CRTAM: variants seen among roughly 807,000 people sequenced by gnomAD.
CRTAM encodes the protein cytotoxic and regulatory T cell molecule.
In CRTAM, 44 loss-of-function variants were observed where a neutral mutation model predicts 50.0. The ratio of observed to expected loss-of-function variants is 0.88; its 90% CI spans 0.69 to 1.13. The LOEUF is 1.13. Among genes scored for constraint, CRTAM ranks in the 50% most tolerant of loss-of-function variants. CRTAM has a pLI of 0.00. For missense variants in CRTAM, 448 were observed against 457.5 expected (o/e 0.98, Z 0.19); for synonymous variants, 159 against 169.3 (o/e 0.94, Z 0.47).
chr11:122,852,746 A>G (rs1287731567), intron 3 of CRTAM, among the ~76,000 whole-genome samples: 1 of 152,056 alleles, frequency 6.6e-6, no homozygotes, highest in Non-Finnish European at 1.5e-5. Flanking sequence ...CCCCATGTAT[A>G]CTCTGTCATT....
chr11:122,860,952 C>T (rs997911766), intron 5 of CRTAM, among the ~76,000 whole-genome samples: 1 of 152,100 alleles, frequency 6.6e-6, no homozygotes, highest in African/African-American at 2.4e-5. Context: ...CTGCCTCGGC[C>T]CCCCACAGAA....
Position 122,850,135 on chromosome 11 carries a change from T to C in CRTAM, c.114T>C (p.Cys38=), listed in dbSNP as rs766847514. ...AAGGCCAGACGCTCACTCTAAAGTG[T>C]GTCACTTCTCTGAGGAAGAACTCCT... ...VEEGQTLTLK[C]VTSLRKNSSL... Residue 38 remains cysteine (C), a synonymous_variant, in exon 2 of 10, where the codon TGT becomes TGC. Coordinates refer to ENST00000227348, the MANE Select transcript of CRTAM (RefSeq NM_019604.4). 2 of 1,613,634 alleles carry C rather than the reference T, an allele frequency of 1.2e-6. No homozygotes were observed. Among genetic ancestry groups the C allele is most frequent in the South Asian group, 2.2e-5 (2 of 91,040 alleles).
At chr11:122,851,896 G>A (rs1234689389) in intron 3 of CRTAM, 51 bp downstream of exon 3, 5 of 1,554,118 alleles carry the variant, frequency 3.2e-6, no homozygotes, top group East Asian at 4.5e-5. Flanking sequence ...ATAGGAACAC[G>A]ATATGTCGTT....
chr11:122,851,689 A>G lies in CRTAM; in HGVS notation c.194-4A>G. The G allele has an allele frequency of 6.2e-7, 1 of 1,613,972 alleles. No individual in the cohort carries two copies. The highest frequency in any genetic ancestry group is 1.1e-5 in the South Asian group (1 of 91,074). On this transcript the variant is annotated splice_polypyrimidine_tract_variant and splice_region_variant and intron_variant, in intron 2 of 9. Coordinates refer to ENST00000227348, the MANE Select transcript of CRTAM (RefSeq NM_019604.4). ...CATAACAGCTCTATTTCCCTCTTGT[A>G]CAGCTTTAAAAAATTCCAAATACCA... is the stretch of plus-strand genomic sequence containing the variant.
chr11:122,848,749 C>A (rs934689259), intron 1 of CRTAM, among the ~76,000 whole-genome samples: 1 of 152,088 alleles, frequency 6.6e-6, no homozygotes, highest in African/African-American at 2.4e-5. Context: ...TAAGATGATG[C>A]CGTAAAACTT....
In CRTAM at chr11:122,861,420, A is replaced by AT. The variant is rs66619023; in HGVS notation, c.653-1014dup. 5.4e-3 allele frequency among the ~76,000 whole-genome samples: 138 copies of AT among 25,600 alleles called. 10 individuals carry two copies. Among genetic ancestry groups the AT allele is most frequent in the Non-Finnish European group, 7.4e-3 (108 of 14,690 alleles). The allele number at this position is 25,600 out of a possible 152,430, so 16.8% of individuals were successfully genotyped here. A position where few individuals can be genotyped will look rare whatever the true frequency, so the allele number is the denominator to read the frequency against. ...TATATATATATATATATATATATAT[A>AT]TTTTTTTTTTTTTTTTTTTTTTTTT... On this transcript the variant is annotated intron_variant, in intron 5 of 9. Transcript: ENST00000227348.
intron 3 of CRTAM, 137 bp from the exon 4 acceptor site, chr11:122,853,806 T>C (rs1861966299): frequency 4.0e-6 from 3 of 740,792 alleles, no homozygotes; most frequent in South Asian, 6.5e-5. Flanking sequence ...CGACGGAGAC[T>C]AAGTCTAAAA....
intron 6 of CRTAM, among the ~76,000 whole-genome samples, 197 bp from the exon 7 acceptor site, chr11:122,864,439 C>T (rs1862140844): frequency 6.6e-6 from 1 of 151,946 alleles, no homozygotes; most frequent in Non-Finnish European, 1.5e-5. Flanking sequence ...AAACATTTAC[C>T]TTAAAAAAAT....
chr11:122,856,679 G>A (rs748307634), intron 5 of CRTAM, among the ~76,000 whole-genome samples: 3 of 152,220 alleles, frequency 2.0e-5, no homozygotes, highest in Non-Finnish European at 4.4e-5. Flanking sequence ...AGACGAAATC[G>A]CTGATGCTGA....
At chr11:122,862,147 G>C (rs1232353796) in intron 5 of CRTAM, among the ~76,000 whole-genome samples, 5 of 152,190 alleles carry the variant, frequency 3.3e-5, no homozygotes, top group African/African-American at 4.8e-5. Context: ...AGGTGGATGG[G>C]TAGATAAACA....
rs748217702 is a variant in CRTAM, at chr11:122,855,701, C to T, written c.497C>T (p.Thr166Met). 3.7e-5 allele frequency: 60 copies of T among 1,613,740 alleles called. No individual in the cohort carries two copies. The highest frequency in any genetic ancestry group is 8.9e-5 in the East Asian group (4 of 44,890). ...LGNSMEVSGG[T>M]LHEFETDGKK... ...TCTTCAAATTGCTACATAGGTGGAA[C>T]GCTCCATGAATTTGAAACTGATGGG... is the stretch of plus-strand genomic sequence containing the variant. Residue 166 changes from threonine to methionine, a missense_variant, in exon 5 of 10, where the codon ACG (threonine) becomes ATG (methionine). By Grantham distance (81) the Thr-to-Met change is moderately conservative. Coordinates refer to ENST00000227348, the MANE Select transcript of CRTAM (RefSeq NM_019604.4).
chr11:122,851,981 T>C lies in CRTAM; in HGVS notation c.346+136T>C, dbSNP rs1591350963. 6 of 709,030 alleles carry C rather than the reference T, an allele frequency of 8.5e-6. No individual in the cohort carries two copies. In the East Asian group the frequency reaches 1.4e-4, roughly 17 times the overall value. The allele number at this position is 709,030 out of a possible 1,614,324, so 43.9% of individuals were successfully genotyped here. ...CCTGGGACACCTCTGCCATCTTTTA[T>C]TGAAAGGAAACAGAAGAGAGCATTT... On this transcript the variant is annotated intron_variant, in intron 3 of 9. Transcript: ENST00000227348.
chr11:122,865,044 T>TA (rs1169924774), intron 7 of CRTAM, among the ~76,000 whole-genome samples: 8 of 150,904 alleles, frequency 5.3e-5, no homozygotes, highest in South Asian at 2.1e-4. Flanking sequence ...TATATATATA[T>TA]TTTTTTTGTG....
intron 1 of CRTAM, among the ~76,000 whole-genome samples, chr11:122,847,824 T>C (rs1164819000): frequency 6.6e-6 from 1 of 152,226 alleles, no homozygotes; most frequent in Non-Finnish European, 1.5e-5. Context: ...CTTTAATTAT[T>C]TGACCTTATG....
At position 122,853,965 on chromosome 11, in the gene CRTAM, G is replaced by A; in HGVS notation, c.369G>A (p.Leu123=). ...IVLATPFKPI[L]EASVIRKQNG... ...TAGCAACTCCTTTCAAGCCAATCCT[G>A]GAAGCTTCAGTTATCAGAAAGCAAA... The change falls in exon 4 of 10, where the codon CTG becomes CTA. Residue 123 remains leucine (L), a synonymous_variant. Coordinates refer to ENST00000227348, the MANE Select transcript of CRTAM (RefSeq NM_019604.4). 1 of 1,613,924 alleles carries A rather than the reference G, an allele frequency of 6.2e-7. No homozygotes were observed. Among genetic ancestry groups the A allele is most frequent in the Middle Eastern group, 1.7e-4 (1 of 6,058 alleles).
chr11:122,857,383 C>T (rs995116974), intron 5 of CRTAM, among the ~76,000 whole-genome samples: 2 of 152,212 alleles, frequency 1.3e-5, no homozygotes, highest in African/African-American at 4.8e-5. Flanking sequence ...GCACAAGAAT[C>T]GCTTGAACCC....
At position 122,871,374 on chromosome 11, in the gene CRTAM, T is replaced by C; in HGVS notation, c.1157T>C (p.Ile386Thr). 2 of 1,613,730 alleles carry C rather than the reference T, an allele frequency of 1.2e-6. No individual in the cohort carries two copies. The highest frequency in any genetic ancestry group is 8.5e-7 in the Non-Finnish European group (1 of 1,179,826). ...VQHSKLEEKH[I>T]QVPESIV ...CATTCAAAATTAGAAGAAAAGCACA[T>C]CCAAGTACCAGAGAGTATTGTGTAG... Residue 386 changes from isoleucine to threonine, a missense_variant, in exon 10 of 10, where the codon ATC (isoleucine) becomes ACC (threonine). Transcript: ENST00000227348.
intron 1 of CRTAM, among the ~76,000 whole-genome samples, chr11:122,838,971 C>G (rs1221361133): frequency 6.6e-6 from 1 of 152,174 alleles, no homozygotes; most frequent in African/African-American, 2.4e-5. Flanking sequence ...CTCTGTCGCC[C>G]AGGCTGGAGT....
intron 9 of CRTAM, among the ~76,000 whole-genome samples, chr11:122,868,381 C>T (rs939435137): frequency 5.3e-5 from 8 of 152,060 alleles, no homozygotes; most frequent in South Asian, 2.1e-4. Flanking sequence ...CTCAGGGGAC[C>T]GCCAGCGTTA....
Sources: allele counts gnomAD v4.1 joint callset (sites outside exome capture counted in the v4.1 genomes callset), GRCh38; gene constraint gnomAD v4.1.1; transcripts MANE v1.5; gene names NCBI Gene and HGNC (gene_info 2026-07-23, HGNC 2026-07-21).